Variants in DNM3 observed in about 807,000 individuals in gnomAD.
DNM3 encodes the protein dynamin 3.
DNM3 carries 47 observed loss-of-function variants against 101.6 expected under a neutral mutation model. The observed-to-expected ratio is 0.46, with a 90% CI of 0.37 to 0.59. The LOEUF (loss-of-function observed/expected upper bound fraction) is 0.59. Ranked by LOEUF, DNM3 falls within the 20% of genes least tolerant of loss-of-function variation. DNM3 has a pLI of 0.00. For synonymous variants in DNM3, 385 were observed against 387.9 expected (o/e 0.99, Z 0.09); for missense variants, 849 against 1,085.7 (o/e 0.78, Z 3.06).
chr1:172,119,315 C>T (rs2056145535), intron 13 of DNM3, among the ~76,000 whole-genome samples: 2 of 152,016 alleles, frequency 1.3e-5, no homozygotes, highest in Admixed American at 1.3e-4. Flanking sequence ...TTTTAATATT[C>T]TCTCTTCAGT....
chr1:172,335,364 A>C (rs1424008382), intron 17 of DNM3, among the ~76,000 whole-genome samples: 1 of 152,202 alleles, frequency 6.6e-6, no homozygotes, highest in Non-Finnish European at 1.5e-5. Flanking sequence ...GTCTTATGAA[A>C]GCTATTAAAA....
At chr1:171,994,479 C>T (rs1318831867) in intron 4 of DNM3, among the ~76,000 whole-genome samples, 1 of 151,982 alleles carries the variant, frequency 6.6e-6, no homozygotes, top group African/African-American at 2.4e-5. Context: ...AATGCTCAGG[C>T]AGACAGTTTA....
intron 13 of DNM3, 30 bp downstream of exon 13, chr1:172,092,905 G>T (rs1398963177): frequency 1.3e-6 from 2 of 1,533,778 alleles, no homozygotes; most frequent in African/African-American, 2.8e-5. Context: ...ATCAGTGTAT[G>T]CATGTCCCAA....
chr1:172,267,072 T>C lies in DNM3; in HGVS notation c.1769+13390T>C, dbSNP rs116456767. Among the ~76,000 whole-genome samples the C allele has an allele frequency of 5.3e-3, 805 of 152,320 alleles. 5 individuals carry two copies. Among genetic ancestry groups the C allele is most frequent in the Non-Finnish European group, 6.6e-3 (450 of 68,016 alleles). Reference sequence around the variant, plus strand: ...AACAATGAGTTTAAGAAATGGAGTGTGTTAAGTGAACATTTTAATACCTTA... The same window carrying C: ...AACAATGAGTTTAAGAAATGGAGTGCGTTAAGTGAACATTTTAATACCTTA... On this transcript the variant is annotated intron_variant, in intron 15 of 20. Coordinates refer to ENST00000627582, the MANE Select transcript of DNM3 (RefSeq NM_015569.5).
chr1:172,194,497 G>A (rs1010891183), intron 14 of DNM3, among the ~76,000 whole-genome samples: 1 of 152,086 alleles, frequency 6.6e-6, no homozygotes, highest in Non-Finnish European at 1.5e-5. Flanking sequence ...GGGAGTCTAA[G>A]TCTCTTTTTA....
At chr1:172,029,316 T>G (rs1359719667) in intron 4 of DNM3, among the ~76,000 whole-genome samples, 1 of 143,870 alleles carries the variant, frequency 7.0e-6, no homozygotes, top group Non-Finnish European at 1.5e-5. Flanking sequence ...AACCACATGA[T>G]TATCCCAATA....
chr1:172,094,626 A>G (rs879902221), intron 13 of DNM3, among the ~76,000 whole-genome samples: 4 of 152,234 alleles, frequency 2.6e-5, no homozygotes, highest in Non-Finnish European at 5.9e-5. Context: ...AATGATATAC[A>G]TAATGAGGTT....
intron 10 of DNM3, among the ~76,000 whole-genome samples, chr1:172,056,577 G>A (rs948324333): frequency 2.0e-5 from 3 of 152,168 alleles, no homozygotes; most frequent in East Asian, 3.9e-4. Flanking sequence ...CCCCAAGCAG[G>A]GGCACACTGA....
intron 14 of DNM3, chr1:172,133,057 A>G: frequency 1.4e-6 from 2 of 1,464,688 alleles, no homozygotes; most frequent in African/African-American, 1.4e-5. Context: ...ACCTCATCCC[A>G]CAGAGGACTT....
At chr1:171,943,662 A>G (rs944712248) in intron 2 of DNM3, among the ~76,000 whole-genome samples, 6 of 152,218 alleles carry the variant, frequency 3.9e-5, no homozygotes, top group African/African-American at 1.4e-4. Context: ...TTTCTGGACC[A>G]AACCAATCTA....
intron 14 of DNM3, chr1:172,132,826 A>G: frequency 1.4e-6 from 1 of 730,472 alleles, no homozygotes; most frequent in South Asian, 1.5e-5. Context: ...TGAGAAAACT[A>G]AAAATAAAAC....
At position 172,407,856 on chromosome 1, in the gene DNM3, A is replaced by G. The variant is rs1364669936; in HGVS notation, c.*15A>G. Reference sequence around the variant, plus strand: ...TGTTAGACTAAACGAAGTGTCTGGCATGGCAATTAATCACTAATGAATTAT... The same window carrying G: ...TGTTAGACTAAACGAAGTGTCTGGCGTGGCAATTAATCACTAATGAATTAT... On this transcript the variant is annotated 3_prime_UTR_variant, in exon 21 of 21. Coordinates refer to ENST00000627582, the MANE Select transcript of DNM3 (RefSeq NM_015569.5). 3 of 1,613,044 alleles carry G rather than the reference A, an allele frequency of 1.9e-6. No homozygotes were observed. Among genetic ancestry groups the G allele is most frequent in the South Asian group, 1.1e-5 (1 of 91,042 alleles).
intron 2 of DNM3, among the ~76,000 whole-genome samples, chr1:171,932,296 C>T (rs1403895720): frequency 2.6e-5 from 4 of 151,558 alleles, no homozygotes; most frequent in African/African-American, 7.3e-5. Context: ...CATGCACCAC[C>T]AGGCAAGGCT....
intron 15 of DNM3, among the ~76,000 whole-genome samples, chr1:172,307,329 A>C (rs569627848): frequency 7.9e-4 from 121 of 152,328 alleles, no homozygotes; most frequent in Admixed American, 2.8e-3. Context: ...CGATGAGATA[A>C]CATCTTACAC....
At chr1:172,250,394 T>G (rs2062123131) in intron 14 of DNM3, among the ~76,000 whole-genome samples, 2 of 152,182 alleles carry the variant, frequency 1.3e-5, no homozygotes, top group Admixed American at 1.3e-4. Flanking sequence ...AGCCAATTTG[T>G]AAGTGTTTTT....
chr1:172,175,720 C>G (rs1005313572), intron 14 of DNM3, among the ~76,000 whole-genome samples: 12 of 151,774 alleles, frequency 7.9e-5, no homozygotes, highest in Admixed American at 3.3e-4. Flanking sequence ...TTCACACGAT[C>G]AAATGTTGAA....
intron 17 of DNM3, among the ~76,000 whole-genome samples, chr1:172,359,421 T>A (rs1265288340): frequency 6.6e-6 from 1 of 152,004 alleles, no homozygotes; most frequent in African/African-American, 2.4e-5. Context: ...CAGGGAGCCC[T>A]ATAAATCTTG....
chr1:172,198,073 G>T (rs900582640), intron 14 of DNM3, among the ~76,000 whole-genome samples: 1 of 152,004 alleles, frequency 6.6e-6, no homozygotes, highest in African/African-American at 2.4e-5. Flanking sequence ...TTGTTTTGAG[G>T]TATGTCCTTC....
At chr1:171,987,200 A>T in intron 2 of DNM3, 6 of 565,050 alleles carry the variant, frequency 1.1e-5, no homozygotes, top group Non-Finnish European at 1.3e-5. Flanking sequence ...AACAAATTAA[A>T]TGATTTCCCT....
Sources: allele counts gnomAD v4.1 joint callset (sites outside exome capture counted in the v4.1 genomes callset), GRCh38; gene constraint gnomAD v4.1.1; transcripts MANE v1.5; gene names NCBI Gene and HGNC (gene_info 2026-07-23, HGNC 2026-07-21).